CCNY: variants seen among roughly 807,000 people sequenced by gnomAD.
The protein encoded by CCNY is cyclin Y.
In CCNY, 19 loss-of-function variants were observed where a neutral mutation model predicts 42.8. That is an observed-to-expected ratio of 0.44 (90% CI 0.31 to 0.65). The LOEUF (loss-of-function observed/expected upper bound fraction) is 0.65. CCNY is among the 30% of genes least tolerant of loss of function. The probability of loss-of-function intolerance (pLI) is 0.07; values close to 1 mark genes in which losing one functional copy is unlikely to be tolerated. For synonymous variants in CCNY, 165 were observed against 162.7 expected, an observed-to-expected ratio of 1.01 and a Z score of -0.11; for missense variants, 370 against 437.3, an observed-to-expected ratio of 0.85 and a Z score of 1.37.
chr10:35,533,374 C>T (rs1484974816), intron 7 of CCNY, among the ~76,000 whole-genome samples: 1 of 152,120 alleles, frequency 6.6e-6, no homozygotes, highest in Non-Finnish European at 1.5e-5. Context: ...AACACAAAGC[C>T]CTTATGTTAC....
chr10:35,435,477 G>T (rs1173714970), intron 1 of CCNY, among the ~76,000 whole-genome samples: 2 of 152,182 alleles, frequency 1.3e-5, no homozygotes, highest in Non-Finnish European at 2.9e-5. Context: ...GGCCCGTGTG[G>T]CCCATCTGCG....
intron 1 of CCNY, among the ~76,000 whole-genome samples, chr10:35,374,983 G>A (rs1837018549): frequency 1.3e-5 from 2 of 152,156 alleles, no homozygotes; most frequent in South Asian, 2.1e-4. Context: ...AATCTCAAGG[G>A]AAAAGAGTGT....
chr10:35,328,330 C>T (rs1375172571), intron 3 of CCNY, among the ~76,000 whole-genome samples: 1 of 152,128 alleles, frequency 6.6e-6, no homozygotes, highest in East Asian at 1.9e-4. Context: ...ACCCCAAATC[C>T]TGGGGCTGAT....
chr10:35,530,942 T>C lies in CCNY; in HGVS notation c.579+699T>C, dbSNP rs559906864. Among the ~76,000 whole-genome samples, 53 of 152,178 alleles carry C rather than the reference T, an allele frequency of 3.5e-4. No homozygotes were observed. The highest frequency in any genetic ancestry group is 2.8e-3 in the Admixed American group (43 of 15,296). ...AAAGTCAGCTGGCCATGGTGGCACG[T>C]ACCTGTGGTCCCAGCTACTTGGAAG... On this transcript the variant is annotated intron_variant, in intron 7 of 9. Coordinates refer to ENST00000374704, the MANE Select transcript of CCNY (RefSeq NM_145012.6). This position sits in a 1 kb window ranked among gnomAD's most constrained non-coding sequence, Gnocchi z 4.3.
At chr10:35,406,016 T>C (rs1837751601) in intron 1 of CCNY, among the ~76,000 whole-genome samples, 1 of 152,084 alleles carries the variant, frequency 6.6e-6, no homozygotes, top group Admixed American at 6.5e-5. Context: ...TCTTGTGTGC[T>C]GGAGATGTGG....
intron 1 of CCNY, among the ~76,000 whole-genome samples, chr10:35,459,200 T>TA (rs1429911453): frequency 6.6e-6 from 1 of 152,186 alleles, no homozygotes; most frequent in Admixed American, 6.5e-5. Context: ...GTGATGCAGA[T>TA]ACACCGTGAG....
At position 35,269,612 on chromosome 10, in the gene CCNY, C is replaced by T. The variant is rs1262714697; in HGVS notation, c.-9+18986C>T. Reference sequence around the variant, plus strand: ...GAGCCGCTGTGCCCAGCCAAGTTCGCCACTCTTTTTTTTTTTTTGTTTTGT... The same window carrying T: ...GAGCCGCTGTGCCCAGCCAAGTTCGTCACTCTTTTTTTTTTTTTGTTTTGT... On this transcript the variant is annotated intron_variant, in intron 3 of 11. Coordinates refer to the CCNY transcript ENST00000374706. Among the ~76,000 whole-genome samples the T allele has an allele frequency of 2.0e-5, 3 of 148,692 alleles. No homozygotes were observed. The Admixed American group carries it at 2.0e-4, about 10-fold the overall frequency.
At chr10:35,558,955 G>A (rs1246602785) in intron 8 of CCNY, among the ~76,000 whole-genome samples, 2 of 152,220 alleles carry the variant, frequency 1.3e-5, no homozygotes, top group Non-Finnish European at 2.9e-5. Context: ...ATGTGGAAGT[G>A]GCTTTGAAAG....
intron 2 of CCNY, among the ~76,000 whole-genome samples, chr10:35,248,420 G>C (rs1483048287): frequency 2.0e-5 from 3 of 152,112 alleles, no homozygotes; most frequent in East Asian, 3.9e-4. Flanking sequence ...GAGTTGGGCA[G>C]ATCACCTGAG....
intron 1 of CCNY, among the ~76,000 whole-genome samples, chr10:35,377,588 A>T (rs1564388468): frequency 6.6e-6 from 1 of 152,228 alleles, no homozygotes; most frequent in African/African-American, 2.4e-5. Flanking sequence ...TATCCCTGTC[A>T]TTAAGGAAGC....
intron 1 of CCNY, among the ~76,000 whole-genome samples, chr10:35,393,611 C>T (rs1837460906): frequency 1.3e-5 from 2 of 152,164 alleles, no homozygotes; most frequent in Admixed American, 1.3e-4. Flanking sequence ...CATCTTTTCC[C>T]TTCTCTGGCT....
chr10:35,331,110 T>C (rs1330071109), intron 3 of CCNY, among the ~76,000 whole-genome samples: 1 of 152,224 alleles, frequency 6.6e-6, no homozygotes, highest in Non-Finnish European at 1.5e-5. Context: ...CACATCTTAT[T>C]GGCCAGACTT....
intron 8 of CCNY, among the ~76,000 whole-genome samples, chr10:35,558,809 T>C (rs866187091): frequency 3.3e-5 from 5 of 152,144 alleles, no homozygotes; most frequent in African/African-American, 1.2e-4. Context: ...CCTCTAGAAT[T>C]GTGAGAAAAT....
chr10:35,407,585 A>C (rs1837807797), intron 1 of CCNY, among the ~76,000 whole-genome samples: 1 of 152,146 alleles, frequency 6.6e-6, no homozygotes, highest in Non-Finnish European at 1.5e-5. Flanking sequence ...TTTTCTGGCT[A>C]TTTGGAACCA....
chr10:35,448,575 G>A (rs1838843042), intron 1 of CCNY, among the ~76,000 whole-genome samples: 1 of 152,132 alleles, frequency 6.6e-6, no homozygotes, highest in African/African-American at 2.4e-5. Flanking sequence ...GGGATGTTAT[G>A]GTGTTACTGT....
At position 35,336,658 on chromosome 10, in the gene CCNY, G is replaced by A. The variant is rs1183571608; in HGVS notation, c.-396G>A. ...GGAACCTCTTGCCGAGGCGGCCGCC[G>A]TCGCCGCAGCCGCCGGGGAAGCGGA... On this transcript the variant is annotated 5_prime_UTR_variant, in exon 1 of 10. Coordinates refer to ENST00000374704, the MANE Select transcript of CCNY (RefSeq NM_145012.6). Among the ~76,000 whole-genome samples, 3 of 147,692 alleles carry A rather than the reference G, an allele frequency of 2.0e-5. No individual in the cohort carries two copies. Among genetic ancestry groups the A allele is most frequent in the African/African-American group, 7.3e-5 (3 of 40,956 alleles).
At position 35,416,160 on chromosome 10, in the gene CCNY, C is replaced by CGTGTGTGTGTGTGTGT. The variant is rs57188309; in HGVS notation, c.155-67225_155-67210dup. Among the ~76,000 whole-genome samples the CGTGTGTGTGTGTGTGT allele has an allele frequency of 5.8e-3, 836 of 144,586 alleles. 11 individuals are homozygous for CGTGTGTGTGTGTGTGT. The highest frequency in any genetic ancestry group is 0.018 in the African/African-American group (705 of 38,848). The allele number at this position is 144,586 out of a possible 152,430, so 94.9% of individuals were successfully genotyped here. ...ACCTGATCTGGAAACTTGTGGCACCCGTGTGTGTGTGTGTGTGTGTGTGTG... is the reference window on the plus strand; with the variant it reads ...ACCTGATCTGGAAACTTGTGGCACCCGTGTGTGTGTGTGTGTGTGTGTGTGTGTGTGTGTGTGTGTG... On this transcript the variant is annotated intron_variant, in intron 1 of 9. Transcript: ENST00000374704.
At chr10:35,381,049 G>C (rs1302271332) in intron 1 of CCNY, among the ~76,000 whole-genome samples, 1 of 152,168 alleles carries the variant, frequency 6.6e-6, no homozygotes, top group African/African-American at 2.4e-5. Context: ...GTGATGAGGG[G>C]TGCATTGTCT....
At chr10:35,559,159 G>T (rs747646819) in intron 8 of CCNY, among the ~76,000 whole-genome samples, 1 of 152,202 alleles carries the variant, frequency 6.6e-6, no homozygotes, top group Non-Finnish European at 1.5e-5. Flanking sequence ...AATGTTGTTG[G>T]CAATATGAAT....
Sources: gnomAD v4.1 joint callset for allele counts (sites outside exome capture counted in the v4.1 genomes callset) on GRCh38, gnomAD v4.1.1 for gene constraint, Gnocchi (gnomAD v3.1) non-coding constraint, MANE v1.5 for transcripts, NCBI Gene and HGNC (gene_info 2026-07-23, HGNC 2026-07-21) for gene names.